The following CHAF1B variants were observed in gnomAD, a reference collection of about 807,000 sequenced individuals.
The protein encoded by CHAF1B is CAF-1 subunit B.
CHAF1B carries 10 observed loss-of-function variants against 60.7 expected under a neutral mutation model. The observed-to-expected ratio is 0.16, with a 90% CI of 0.10 to 0.28. CHAF1B has a LOEUF of 0.28. Among genes scored for constraint, CHAF1B ranks in the 10% least tolerant of loss-of-function variants. The probability of loss-of-function intolerance (pLI) is 1.00; values close to 1 mark genes in which losing one functional copy is unlikely to be tolerated. For synonymous variants in CHAF1B, 261 were observed against 266.1 expected (o/e 0.98, Z 0.19); for missense variants, 558 against 708.4 (o/e 0.79, Z 2.41).
intron 2 of CHAF1B, among the ~76,000 whole-genome samples, 192 bp from the exon 3 acceptor site, chr21:36,387,406 G>A (rs2086043727): frequency 6.6e-6 from 1 of 151,742 alleles, no homozygotes; most frequent in African/African-American, 2.4e-5. Flanking sequence ...ATTTTCTGTA[G>A]AGACTAGGTC....
chr21:36,401,855 C>T (rs1165773507), intron 7 of CHAF1B, among the ~76,000 whole-genome samples: 1 of 151,774 alleles, frequency 6.6e-6, no homozygotes, highest in Admixed American at 6.6e-5. Context: ...GTTCTCCTGC[C>T]TCAGCCTCCC....
chr21:36,415,312 C>T lies in CHAF1B; in HGVS notation c.1511C>T (p.Pro504Leu), dbSNP rs1443137777. ...AAATCAAGGAGAATAAACTTAACAC[C>T]CTTAAAGACGGACACTCCACCAAGT... ...KTTPRRINLTPLKTDTPPSSV... is the reference protein window; with the variant it reads ...KTTPRRINLTLLKTDTPPSSV... The change falls in exon 13 of 14, where the codon CCC becomes CTC. Residue 504 changes from proline to leucine, a missense_variant. Around this residue, in one of 2 missense-constraint regions of CHAF1B, gnomAD observed 233 missense variants for 214.9 expected, o/e 1.08. Transcript: ENST00000314103. 6.2e-7 allele frequency: 1 copy of T among 1,610,504 alleles called. No homozygotes were observed. Among genetic ancestry groups the T allele is most frequent in the Non-Finnish European group, 8.5e-7 (1 of 1,177,138 alleles).
intron 3 of CHAF1B, among the ~76,000 whole-genome samples, chr21:36,388,630 C>T (rs947063902): frequency 1.3e-5 from 2 of 152,016 alleles, no homozygotes; most frequent in African/African-American, 4.8e-5. Context: ...CCACCCCCGG[C>T]TAATTTTTGT....
At chr21:36,385,625 C>CT (rs2086024505) in intron 1 of CHAF1B, among the ~76,000 whole-genome samples, 174 bp downstream of exon 1, 1 of 151,756 alleles carries the variant, frequency 6.6e-6, no homozygotes, top group Non-Finnish European at 1.5e-5. Context: ...CCGGCGGCCT[C>CT]AGTCCCAGCT....
chr21:36,404,404 T>G (rs1257308713), intron 8 of CHAF1B, among the ~76,000 whole-genome samples: 2 of 150,426 alleles, frequency 1.3e-5, no homozygotes, highest in East Asian at 3.9e-4. Flanking sequence ...CGGCCCTTTT[T>G]TTTTTTTTAA....
intron 8 of CHAF1B, among the ~76,000 whole-genome samples, chr21:36,405,185 T>C (rs1012276875): frequency 5.3e-5 from 8 of 152,030 alleles, no homozygotes; most frequent in African/African-American, 1.9e-4. Flanking sequence ...GAAAATGAAA[T>C]TACAAAGATT....
At position 36,394,603 on chromosome 21, in the gene CHAF1B, C is replaced by G. The variant is rs781221859; in HGVS notation, c.434C>G (p.Ala145Gly). ...ICWATDGNLM[A>G]SASVDNTAII... The stretch of plus-strand genomic sequence containing the variant: ...TGGGCAACTGATGGGAATTTAATGG[C>G]TTCTGCCTCTGTGGATAACACAGCC... Residue 145 changes from alanine to glycine, a missense_variant, in exon 5 of 14, where the codon GCT becomes GGT. Ala to Gly is a moderately conservative substitution (Grantham distance 60). Around this residue, in one of 2 missense-constraint regions of CHAF1B, gnomAD observed 325 missense variants for 493.5 expected, o/e 0.66. Coordinates refer to ENST00000314103, the MANE Select transcript of CHAF1B (RefSeq NM_005441.3). 1 of 1,613,680 alleles carries G rather than the reference C, an allele frequency of 6.2e-7. No individual in the cohort carries two copies. Among genetic ancestry groups the G allele is most frequent in the African/African-American group, 1.3e-5 (1 of 74,888 alleles).
intron 11 of CHAF1B, 135 bp downstream of exon 11, chr21:36,411,739 A>AT: frequency 3.7e-6 from 4 of 1,087,872 alleles, no homozygotes; most frequent in East Asian, 2.5e-5. Flanking sequence ...TTTCTTATTT[A>AT]TTTTTTTGAG....
At chr21:36,389,474 T>C (rs140487933) in intron 3 of CHAF1B, among the ~76,000 whole-genome samples, 4,653 of 151,862 alleles carry the variant, frequency 0.031, 101 homozygotes, top group Admixed American at 0.046. Flanking sequence ...GGCATGGTGG[T>C]GCGCTCCTAT....
chr21:36,415,872 C>T, intron 13 of CHAF1B: 1 of 344,064 alleles, frequency 2.9e-6, no homozygotes, highest in Admixed American at 4.2e-5. Context: ...CCTGCCTCGG[C>T]CTCCCGAGTA....
At chr21:36,404,724 G>A (rs2086222767) in intron 8 of CHAF1B, among the ~76,000 whole-genome samples, 1 of 115,468 alleles carries the variant, frequency 8.7e-6, no homozygotes, top group Non-Finnish European at 1.7e-5. Flanking sequence ...GTGAGCCATT[G>A]CGCTGGCCTT....
intron 3 of CHAF1B, among the ~76,000 whole-genome samples, chr21:36,389,792 T>C (rs1419086156): frequency 1.1e-4 from 15 of 130,716 alleles, no homozygotes; most frequent in African/African-American, 5.6e-4. Context: ...TGTGTGTGTG[T>C]GTGTGTGTGC....
At chr21:36,401,623 TTTATA>T (rs1176782302) in intron 7 of CHAF1B, among the ~76,000 whole-genome samples, 1 of 139,456 alleles carries the variant, frequency 7.2e-6, no homozygotes, top group East Asian at 2.0e-4. Context: ...AATATATATT[TTTATA>T]TTATATATAA....
intron 2 of CHAF1B, among the ~76,000 whole-genome samples, chr21:36,386,775 G>A (rs1044244600): frequency 1.3e-5 from 2 of 150,942 alleles, no homozygotes. Flanking sequence ...GTGCAGTGGT[G>A]CAATCTCGAC....
rs138860000 is a variant in CHAF1B at position 36,410,722 on chromosome 21, A to G, written c.920-741A>G. On this transcript the variant is annotated intron_variant, in intron 10 of 13. Transcript: ENST00000314103. ...GTTGCCCAGGCTGGGGTGCAGTGGT[A>G]TAATCTCGGCTCGTTGCAGCCTTCG... is the stretch of plus-strand genomic sequence containing the variant. Among the ~76,000 whole-genome samples the G allele has an allele frequency of 2.3e-4, 34 of 146,872 alleles. No homozygotes were observed. The East Asian group carries it at 6.6e-3, about 28-fold the overall frequency.
At position 36,417,838 on chromosome 21, in the gene CHAF1B, C is replaced by T. The variant is rs916026443; in HGVS notation, c.*1472C>T. Reference sequence around the variant, plus strand: ...TGAAATCACCTAAGAGCTGACATACCAGTGCCTGGGTTCCCGCTTCGGAGG... The same window carrying T: ...TGAAATCACCTAAGAGCTGACATACTAGTGCCTGGGTTCCCGCTTCGGAGG... On this transcript the variant is annotated 3_prime_UTR_variant, in exon 14 of 14. Coordinates refer to ENST00000314103, the MANE Select transcript of CHAF1B (RefSeq NM_005441.3). 6.6e-6 allele frequency: 1 copy of T among 152,054 alleles called. No homozygotes were observed. Among genetic ancestry groups the T allele is most frequent in the Non-Finnish European group, 1.5e-5 (1 of 68,022 alleles). 9.4% of individuals were successfully genotyped at this position (152,054 alleles called of 1,614,324 possible).
At chr21:36,386,378 T>A in intron 2 of CHAF1B, 116 bp downstream of exon 2, 5 of 1,290,214 alleles carry the variant, frequency 3.9e-6, no homozygotes, top group Non-Finnish European at 5.3e-6. Context: ...ATCCCAGTGC[T>A]TTGGGAGGCT....
At position 36,389,800 on chromosome 21, in the gene CHAF1B, T is replaced by TGTGTGCGCGCGCGCGCGC; in HGVS notation, c.260-1750_260-1749insTGTGCGCGCGCGCGCGCG. The stretch of plus-strand genomic sequence containing the variant: ...GTGTGTGTGTGTGTGTGTGTGTGTG[T>TGTGTGCGCGCGCGCGCGC]GCGCGCGCACGCTGATTTGTAGAGG... On this transcript the variant is annotated intron_variant, in intron 3 of 13. Coordinates refer to ENST00000314103, the MANE Select transcript of CHAF1B (RefSeq NM_005441.3). Among the ~76,000 whole-genome samples, 68 of 124,788 alleles carry TGTGTGCGCGCGCGCGCGC rather than the reference T, an allele frequency of 5.4e-4. 1 individual carries two copies. The highest frequency in any genetic ancestry group is 2.2e-3 in the African/African-American group (63 of 28,432). 81.9% of individuals were successfully genotyped at this position (124,788 alleles called of 152,430 possible).
At chr21:36,390,539 A>C (rs1424257194) in intron 3 of CHAF1B, among the ~76,000 whole-genome samples, 1 of 152,194 alleles carries the variant, frequency 6.6e-6, no homozygotes, top group Non-Finnish European at 1.5e-5. Context: ...CCTGATATCT[A>C]TAATGGTATT....
Sources: allele counts gnomAD v4.1 joint callset (sites outside exome capture counted in the v4.1 genomes callset), GRCh38; gene constraint gnomAD v4.1.1; regional missense constraint gnomAD v4.1.1; transcripts MANE v1.5; gene names NCBI Gene and HGNC (gene_info 2026-07-23, HGNC 2026-07-21).